RAPGEF6: variants seen among roughly 807,000 people sequenced by gnomAD.
The protein encoded by RAPGEF6 is PDZ domain containing guanine nucleotide exchange factor (GEF) 2.
Under a neutral mutation model 171.4 loss-of-function variants are expected in RAPGEF6, and 56 were observed. The ratio of observed to expected loss-of-function variants is 0.33; its 90% CI spans 0.26 to 0.41. RAPGEF6 has a LOEUF of 0.41. Ranked by LOEUF, RAPGEF6 falls within the 10% of genes least tolerant of loss-of-function variation. The pLI is 1.00. For synonymous variants in RAPGEF6, 692 were observed against 650.1 expected (o/e 1.06, Z -0.98); for missense variants, 1,674 against 1,921.4 (o/e 0.87, Z 2.41).
At chr5:131,520,917 A>G (rs1580961212) in intron 7 of RAPGEF6, among the ~76,000 whole-genome samples, 1 of 152,192 alleles carries the variant, frequency 6.6e-6, no homozygotes, top group African/African-American at 2.4e-5. Context: ...GTTTTAGAAA[A>G]TGGAAAAGTC....
chr5:131,621,802 G>T (rs1448050898), intron 1 of RAPGEF6, among the ~76,000 whole-genome samples: 1 of 151,994 alleles, frequency 6.6e-6, no homozygotes, highest in Non-Finnish European at 1.5e-5. Context: ...CAGATATGGA[G>T]GGCCAACTGT....
In RAPGEF6 at chr5:131,479,705, G is replaced by A. The variant is rs1004891343; in HGVS notation, c.1889C>T (p.Pro630Leu). The part of the protein sequence containing the change: ...FRTEQEKSGV[P>L]HIPKIAEKKS... ...TTTTTCAGCAATTTTGGGAATATGA[G>A]GAACACCAGATTTCTCTTGTTCAGT... is the stretch of plus-strand genomic sequence containing the variant. The change falls in exon 16 of 28, where the codon CCT becomes CTT. Residue 630 changes from proline to leucine, a missense_variant. Physicochemically the swap from Pro to Leu is moderately conservative, Grantham distance 98. Around this residue, in one of 3 missense-constraint regions of RAPGEF6, gnomAD observed 1,116 missense variants for 1,321.5 expected, o/e 0.84. Transcript: ENST00000509018. 2 of 1,613,546 alleles carry A rather than the reference G, an allele frequency of 1.2e-6. No homozygotes were observed. Among genetic ancestry groups the A allele is most frequent in the Admixed American group, 1.7e-5 (1 of 59,940 alleles).
intron 26 of RAPGEF6, 76 bp downstream of exon 26, chr5:131,430,783 C>A: frequency 6.4e-7 from 1 of 1,567,176 alleles, no homozygotes; most frequent in South Asian, 1.2e-5. Context: ...CGATAAAATC[C>A]AGGGCCAAGA....
At chr5:131,462,356 T>C (rs961031585) in intron 18 of RAPGEF6, among the ~76,000 whole-genome samples, 1 of 152,242 alleles carries the variant, frequency 6.6e-6, no homozygotes. Flanking sequence ...ATCTGTCAGA[T>C]ACTATTTTAG....
chr5:131,429,534 C>T (rs1048865377), intron 26 of RAPGEF6, among the ~76,000 whole-genome samples: 2 of 152,128 alleles, frequency 1.3e-5, no homozygotes, highest in South Asian at 4.1e-4. Context: ...GAAGTCACAC[C>T]AGCCCTAAAG....
At chr5:131,477,627 G>A (rs541866742) in intron 16 of RAPGEF6, among the ~76,000 whole-genome samples, 3 of 152,208 alleles carry the variant, frequency 2.0e-5, no homozygotes, top group Non-Finnish European at 4.4e-5. Flanking sequence ...AGGATAATGT[G>A]GAGATGAGAT....
chr5:131,452,163 T>G (rs1753132972), intron 21 of RAPGEF6, among the ~76,000 whole-genome samples: 1 of 149,694 alleles, frequency 6.7e-6, no homozygotes, highest in Non-Finnish European at 1.5e-5. Flanking sequence ...GAGCTTGCAG[T>G]GAGCCGAGAT....
chr5:131,484,428 G>A (rs1755731440), intron 15 of RAPGEF6, among the ~76,000 whole-genome samples: 1 of 151,804 alleles, frequency 6.6e-6, no homozygotes, highest in African/African-American at 2.4e-5. Context: ...AGTTAGCTAG[G>A]ATGGTCTCAA....
At chr5:131,467,251 T>C (rs1754422017) in intron 17 of RAPGEF6, among the ~76,000 whole-genome samples, 1 of 152,228 alleles carries the variant, frequency 6.6e-6, no homozygotes, top group Admixed American at 6.5e-5. Flanking sequence ...TTAAAGTGAT[T>C]TGTCCATGTG....
rs1369439375 is a variant in RAPGEF6 at position 131,622,972 on chromosome 5, A to G, written c.69+11990T>C. 3.3e-5 allele frequency among the ~76,000 whole-genome samples: 5 copies of G among 152,222 alleles called. No homozygotes were observed. The East Asian group carries it at 7.7e-4, about 23-fold the overall frequency. The stretch of plus-strand genomic sequence containing the variant: ...AGACCATTTTTCTAAATTCTGTAAC[A>G]GATTAATAAATGGTTATACTAAATT... On this transcript the variant is annotated intron_variant, in intron 1 of 27. Transcript: ENST00000509018.
intron 7 of RAPGEF6, among the ~76,000 whole-genome samples, chr5:131,519,477 C>T (rs1369429663): frequency 2.0e-5 from 3 of 152,122 alleles, no homozygotes; most frequent in Non-Finnish European, 4.4e-5. Context: ...TCTTGGCTTG[C>T]TGCAACCTCC....
chr5:131,533,526 C>G (rs1015267971), intron 6 of RAPGEF6, among the ~76,000 whole-genome samples: 3 of 151,922 alleles, frequency 2.0e-5, no homozygotes, highest in Non-Finnish European at 4.4e-5. Context: ...TGCTATTTAT[C>G]AAATAACTGT....
Position 131,471,470 on chromosome 5 carries a change from C to T in RAPGEF6, c.2239+1117G>A, listed in dbSNP as rs115096178. 5.5e-3 allele frequency among the ~76,000 whole-genome samples: 837 copies of T among 152,222 alleles called. 6 individuals are homozygous for T. The highest frequency in any genetic ancestry group is 8.5e-3 in the Non-Finnish European group (579 of 68,002). ...ATACCGAGATGGAACTAAGTTTCCT[C>T]CCTTTCTACACTAGCTGCTAGGAAC... On this transcript the variant is annotated intron_variant, in intron 17 of 27. Transcript: ENST00000509018.
intron 6 of RAPGEF6, among the ~76,000 whole-genome samples, chr5:131,539,103 G>T (rs1759966480): frequency 6.6e-6 from 1 of 152,142 alleles, no homozygotes; most frequent in Admixed American, 6.5e-5. Flanking sequence ...ATTCTTAGAG[G>T]TGGGGATCCA....
intron 6 of RAPGEF6, among the ~76,000 whole-genome samples, chr5:131,528,300 TA>T (rs1181031517): frequency 1.8e-4 from 9 of 51,090 alleles, no homozygotes; most frequent in African/African-American, 4.5e-4. Flanking sequence ...TAAAATAAAA[TA>T]ATATATTTAT....
chr5:131,502,885 G>A (rs1043761538), intron 11 of RAPGEF6, among the ~76,000 whole-genome samples: 1 of 151,128 alleles, frequency 6.6e-6, no homozygotes. Flanking sequence ...TGCAACCTCC[G>A]CCTCCTGGGT....
intron 4 of RAPGEF6, among the ~76,000 whole-genome samples, chr5:131,592,176 C>A (rs1763632272): frequency 6.6e-6 from 1 of 152,088 alleles, no homozygotes; most frequent in South Asian, 2.1e-4. Flanking sequence ...AATTTTCAGA[C>A]AGGAAGAAGA....
At chr5:131,572,307 T>G (rs1762352453) in intron 4 of RAPGEF6, among the ~76,000 whole-genome samples, 1 of 152,168 alleles carries the variant, frequency 6.6e-6, no homozygotes, top group Non-Finnish European at 1.5e-5. Context: ...TTCAAATCGG[T>G]AAGCGGTTCT....
intron 19 of RAPGEF6, among the ~76,000 whole-genome samples, chr5:131,459,171 T>C (rs10044196): frequency 0.091 from 13,786 of 152,114 alleles, 1,396 homozygotes; most frequent in African/African-American, 0.25. Context: ...AACCCAAATA[T>C]GTGTTAGATT....
Sources: allele counts gnomAD v4.1 joint callset (sites outside exome capture counted in the v4.1 genomes callset), GRCh38; gene constraint gnomAD v4.1.1; regional missense constraint gnomAD v4.1.1; transcripts MANE v1.5; gene names NCBI Gene and HGNC (gene_info 2026-07-23, HGNC 2026-07-21).